Variants in ZNF521 observed in about 807,000 individuals in gnomAD.
The protein encoded by ZNF521 is LYST-interacting protein 3.
A neutral mutation model predicts 105.5 loss-of-function variants in ZNF521; 14 were observed. The observed-to-expected ratio is 0.13, with a 90% CI of 0.09 to 0.21. ZNF521 has a LOEUF of 0.21. Among genes scored for constraint, ZNF521 ranks in the 10% least tolerant of loss-of-function variants. The pLI, the probability that ZNF521 is intolerant of heterozygous loss-of-function variation, is 1.00. For missense variants in ZNF521, 1,233 were observed against 1,629.7 expected (o/e 0.76, Z 4.19); for synonymous variants, 635 against 606.0 (o/e 1.05, Z -0.70).
At chr18:25,278,287 A>G (rs1185763180) in intron 3 of ZNF521, among the ~76,000 whole-genome samples, 1 of 152,144 alleles carries the variant, frequency 6.6e-6, no homozygotes, top group East Asian at 1.9e-4. Flanking sequence ...TTTTTGTGTT[A>G]CTTACTCATT....
intron 5 of ZNF521, among the ~76,000 whole-genome samples, chr18:25,167,962 A>G (rs1337588583): frequency 6.6e-6 from 1 of 152,220 alleles, no homozygotes; most frequent in Non-Finnish European, 1.5e-5. Context: ...TCACTCGCAT[A>G]AAAGAGGGTA....
chr18:25,297,665 C>G (rs2145055443), intron 3 of ZNF521, among the ~76,000 whole-genome samples: 1 of 152,230 alleles, frequency 6.6e-6, no homozygotes, highest in Non-Finnish European at 1.5e-5. Context: ...AATACGTACT[C>G]TGTTATACTA....
intron 2 of ZNF521, among the ~76,000 whole-genome samples, chr18:25,335,710 T>A (rs1306410543): frequency 6.6e-6 from 1 of 152,238 alleles, no homozygotes; most frequent in East Asian, 1.9e-4. Context: ...TATTTGAAAG[T>A]CATCTGATTG....
intron 3 of ZNF521, among the ~76,000 whole-genome samples, chr18:25,311,046 T>A (rs1235212178): frequency 6.6e-6 from 1 of 152,090 alleles, no homozygotes; most frequent in East Asian, 1.9e-4. Context: ...CTCTAATCGA[T>A]CAATTTCCCC....
intron 5 of ZNF521, among the ~76,000 whole-genome samples, chr18:25,179,161 T>G (rs71368639): frequency 9.5e-6 from 1 of 105,522 alleles, no homozygotes; most frequent in Non-Finnish European, 1.8e-5. Context: ...TTTTTTTTGG[T>G]GGTGGTGGCA....
At chr18:25,317,416 G>A (rs1030450953) in intron 3 of ZNF521, among the ~76,000 whole-genome samples, 4 of 151,966 alleles carry the variant, frequency 2.6e-5, no homozygotes, top group South Asian at 4.2e-4. Flanking sequence ...TATAGGGCAC[G>A]CACTCAGTAA....
At chr18:25,176,607 AG>A (rs1218180035) in intron 5 of ZNF521, among the ~76,000 whole-genome samples, 1 of 152,098 alleles carries the variant, frequency 6.6e-6, no homozygotes. Flanking sequence ...GATGAAGGAG[AG>A]GGACTCAGCA....
At chr18:25,121,227 T>C (rs1182011036) in intron 5 of ZNF521, among the ~76,000 whole-genome samples, 2 of 146,164 alleles carry the variant, frequency 1.4e-5, no homozygotes, top group Non-Finnish European at 1.5e-5. Context: ...TTCTCCTGCC[T>C]CAGCCTCCCG....
intron 3 of ZNF521, among the ~76,000 whole-genome samples, chr18:25,264,146 T>G (rs1331427429): frequency 6.6e-6 from 1 of 152,180 alleles, no homozygotes; most frequent in East Asian, 1.9e-4. Context: ...TCTAAACTCT[T>G]TGGACCGCAA....
intron 4 of ZNF521, among the ~76,000 whole-genome samples, chr18:25,207,168 CAAGT>C (rs2036096026): frequency 6.6e-6 from 1 of 152,072 alleles, no homozygotes; most frequent in Non-Finnish European, 1.5e-5. Flanking sequence ...TTGAAACGGA[CAAGT>C]AAGTTCATCT....
chr18:25,286,521 T>C (rs976728359), intron 3 of ZNF521, among the ~76,000 whole-genome samples: 2 of 152,144 alleles, frequency 1.3e-5, no homozygotes, highest in African/African-American at 2.4e-5. Flanking sequence ...TTCTTCTCAA[T>C]TGAAACAGAT....
At chr18:25,318,943 GA>G (rs1299458275) in intron 3 of ZNF521, among the ~76,000 whole-genome samples, 2 of 136,560 alleles carry the variant, frequency 1.5e-5, no homozygotes, top group Admixed American at 7.5e-5. Flanking sequence ...AGAACCAGGA[GA>G]AAAAAAAGAA....
At chr18:25,224,176 A>C (rs1905929500) in intron 4 of ZNF521, 169 bp downstream of exon 4, 2 of 665,934 alleles carry the variant, frequency 3.0e-6, no homozygotes, top group Admixed American at 3.0e-5. Context: ...GCTTATCAAG[A>C]AGCAAGTAAT....
At chr18:25,066,773 A>G (rs1208216251) in intron 7 of ZNF521, among the ~76,000 whole-genome samples, 1 of 152,214 alleles carries the variant, frequency 6.6e-6, no homozygotes, top group Non-Finnish European at 1.5e-5. Flanking sequence ...CAGAAAGCGG[A>G]AAAATGCTGC....
chr18:25,115,441 C>T (rs192470339), intron 5 of ZNF521, among the ~76,000 whole-genome samples: 34 of 151,352 alleles, frequency 2.2e-4, no homozygotes, highest in Admixed American at 5.9e-4. Flanking sequence ...TTAAATTTAA[C>T]GAATAAAAAA....
chr18:25,112,497 A>C (rs538856914), intron 5 of ZNF521, among the ~76,000 whole-genome samples: 5 of 152,316 alleles, frequency 3.3e-5, no homozygotes, highest in Non-Finnish European at 7.3e-5. Flanking sequence ...TAAACTGCTA[A>C]ATAAAATTTA....
At chr18:25,222,063 T>C (rs1905760526) in intron 4 of ZNF521, among the ~76,000 whole-genome samples, 1 of 152,134 alleles carries the variant, frequency 6.6e-6, no homozygotes, top group Non-Finnish European at 1.5e-5. Context: ...CTAAGAAATA[T>C]TTGAAACTAA....
intron 7 of ZNF521, chr18:25,082,652 A>G (rs781258074): frequency 4.8e-6 from 2 of 418,792 alleles, no homozygotes; most frequent in South Asian, 1.8e-5. Flanking sequence ...CCTGGGCAAC[A>G]TGGTGAAACC....
At chr18:25,064,973 A>T (rs187213820) in intron 7 of ZNF521, among the ~76,000 whole-genome samples, 20 of 152,322 alleles carry the variant, frequency 1.3e-4, no homozygotes, top group African/African-American at 4.8e-4. Context: ...AATACTTCTG[A>T]AAAGTACTTG....
Sources: allele counts gnomAD v4.1 joint callset (sites outside exome capture counted in the v4.1 genomes callset), GRCh38; gene constraint gnomAD v4.1.1; transcripts MANE v1.5; gene names NCBI Gene and HGNC (gene_info 2026-07-23, HGNC 2026-07-21).